The following ANKRD46 variants were observed in gnomAD, a reference collection of about 807,000 sequenced individuals.
ANKRD46 encodes the protein ankyrin repeat domain-containing protein 46.
ANKRD46 carries 13 observed loss-of-function variants against 19.8 expected under a neutral mutation model. The ratio of observed to expected loss-of-function variants is 0.66; its 90% CI spans 0.43 to 1.04. The LOEUF is 1.04. Among genes scored for constraint, ANKRD46 ranks in the 50% least tolerant of loss-of-function variants. ANKRD46 has a pLI of 0.00. For missense variants in ANKRD46, 185 were observed against 274.8 expected, an observed-to-expected ratio of 0.67 and a Z score of 2.31; for synonymous variants, 91 against 106.9, an observed-to-expected ratio of 0.85 and a Z score of 0.92.
chr8:100,554,588 T>G (rs1490105944), intron 1 of ANKRD46: 1 of 151,566 alleles, frequency 6.6e-6, no homozygotes, highest in Non-Finnish European at 1.5e-5. Flanking sequence ...CCTTGCATGG[T>G]GGTGCGTGCG....
In ANKRD46 at chr8:100,515,415, CA is replaced by C. The variant is rs1811614451; in HGVS notation, c.637-4777del. The stretch of plus-strand genomic sequence containing the variant: ...TTTTTTGAGAAGTGGCAAGATTTCT[CA>C]AAAGAAAATTGTTTATCAAGAGAAG... On this transcript the variant is annotated intron_variant, in intron 5 of 5. Transcript: ENST00000520552. Among the ~76,000 whole-genome samples, 3 of 152,100 alleles carry C rather than the reference CA, an allele frequency of 2.0e-5. No homozygotes were observed. In the South Asian group the frequency reaches 6.2e-4, roughly 32 times the overall value.
Position 100,543,545 on chromosome 8 carries a change from A to G in ANKRD46, c.-130-10234T>C, listed in dbSNP as rs976027261. ...ACTACAGTGTTAAACAAAGATAATT[A>G]TGATTTAAAAATTATTCTTTAAAAT... On this transcript the variant is annotated intron_variant, in intron 1 of 4. Transcript: ENST00000335659. The surrounding 1 kb of genome is among the most constrained non-coding windows in gnomAD (Gnocchi z 4.2). 2.0e-5 allele frequency among the ~76,000 whole-genome samples: 3 copies of G among 152,232 alleles called. No individual in the cohort carries two copies. The highest frequency in any genetic ancestry group is 2.9e-5 in the Non-Finnish European group (2 of 68,044).
rs1812016548 is a variant in ANKRD46, at chr8:100,534,081, G to T, written c.-130-770C>A. 6.6e-6 allele frequency among the ~76,000 whole-genome samples: 1 copy of T among 152,220 alleles called. No individual in the cohort carries two copies. The highest frequency in any genetic ancestry group is 2.1e-4 in the South Asian group (1 of 4,830). On this transcript the variant is annotated intron_variant, in intron 1 of 4. Transcript: ENST00000335659. This position sits in a 1 kb window ranked among gnomAD's most constrained non-coding sequence, Gnocchi z 4.2. ...TTCATGAAACAAACATTCACTGTGT[G>T]CCTGCAATGTGCCAGATACCATGCT...
chr8:100,551,704 C>T (rs192715864), intron 1 of ANKRD46: 2 of 615,266 alleles, frequency 3.3e-6, no homozygotes, highest in South Asian at 3.0e-5. Context: ...CTGGCCTTCA[C>T]CTTCACCATG....
intron 1 of ANKRD46, among the ~76,000 whole-genome samples, chr8:100,552,612 C>T (rs1157138041): frequency 6.6e-6 from 1 of 152,114 alleles, no homozygotes; most frequent in Non-Finnish European, 1.5e-5. Flanking sequence ...CATTCCCTAG[C>T]TATTGTGGTT....
In ANKRD46 at chr8:100,522,546, T is replaced by C. The variant is rs182854174; in HGVS notation, c.*9A>G. 4.7e-4 allele frequency: 766 copies of C among 1,613,734 alleles called. 2 individuals carry two copies. The highest frequency in any genetic ancestry group is 6.2e-4 in the Non-Finnish European group (730 of 1,179,772). On this transcript the variant is annotated 3_prime_UTR_variant, in exon 5 of 5. Transcript: ENST00000335659. ...AGGCAATTAATTGCCTCATCTTCCA[T>C]GAGCTCCTTTAATGCACCAGTTCAG...
rs1347464874 is a variant in ANKRD46, at chr8:100,524,368, C to T, written c.471-1597G>A. 6.6e-6 allele frequency among the ~76,000 whole-genome samples: 1 copy of T among 152,174 alleles called. No individual in the cohort carries two copies. The highest frequency in any genetic ancestry group is 1.5e-5 in the Non-Finnish European group (1 of 68,036). Reference sequence around the variant, plus strand: ...ACTATGAATAAACATGCAAAACTGACATTTTTTAACCTACAACTTTATTTT... The same window carrying T: ...ACTATGAATAAACATGCAAAACTGATATTTTTTAACCTACAACTTTATTTT... On this transcript the variant is annotated intron_variant, in intron 4 of 4. Transcript: ENST00000335659. This position sits in a 1 kb window ranked among gnomAD's most constrained non-coding sequence, Gnocchi z 4.3.
chr8:100,513,319 C>T (rs1175332979), intron 5 of ANKRD46, among the ~76,000 whole-genome samples: 1 of 152,190 alleles, frequency 6.6e-6, no homozygotes, highest in African/African-American at 2.4e-5. Flanking sequence ...TACTCCCTGA[C>T]TTTAGGATAC....
Position 100,521,142 on chromosome 8 carries a change from G to A in ANKRD46, c.*1413C>T. ...CAACAGCTATTAAAGAGAGGATAAA[G>A]CCACATGAAAGAGCAAGCCTCAATA... On this transcript the variant is annotated 3_prime_UTR_variant, in exon 5 of 5. Coordinates refer to ENST00000335659, the MANE Select transcript of ANKRD46 (RefSeq NM_001270377.2). The A allele has an allele frequency of 7.1e-6, 7 of 984,868 alleles. No homozygotes were observed. The highest frequency in any genetic ancestry group is 8.4e-6 in the Non-Finnish European group (7 of 829,854). 61.0% of individuals were successfully genotyped at this position (984,868 alleles called of 1,614,324 possible). A position where few individuals can be genotyped will look rare whatever the true frequency, so the allele number is the denominator to read the frequency against.
intron 3 of ANKRD46, among the ~76,000 whole-genome samples, chr8:100,528,862 C>T (rs1034786337): frequency 6.6e-6 from 1 of 152,104 alleles, no homozygotes; most frequent in Non-Finnish European, 1.5e-5. Context: ...AAAGGTCAAG[C>T]TCAGTTTTAC....
downstream of ANKRD46, among the ~76,000 whole-genome samples, chr8:100,517,082 C>T (rs1586775657): frequency 6.6e-6 from 1 of 152,182 alleles, no homozygotes; most frequent in East Asian, 1.9e-4. Flanking sequence ...ACAATAATAG[C>T]ATTTGTGAAG....
rs901342428 is a variant in ANKRD46 at position 100,544,755 on chromosome 8, A to G, written c.-130-11444T>C. Among the ~76,000 whole-genome samples the G allele has an allele frequency of 1.3e-5, 2 of 152,184 alleles. No individual in the cohort carries two copies. The highest frequency in any genetic ancestry group is 6.5e-5 in the Admixed American group (1 of 15,278). On this transcript the variant is annotated intron_variant, in intron 1 of 4. Transcript: ENST00000335659. The surrounding 1 kb of genome is among the most constrained non-coding windows in gnomAD (Gnocchi z 4.4). Reference sequence around the variant, plus strand: ...CAATATTTTTGTACAGAACTTTGAAAACTATAATGAAATATACAAATATAA... The same window carrying G: ...CAATATTTTTGTACAGAACTTTGAAGACTATAATGAAATATACAAATATAA...
downstream of ANKRD46, among the ~76,000 whole-genome samples, chr8:100,515,834 C>A (rs530416091): frequency 6.6e-6 from 1 of 152,152 alleles, no homozygotes; most frequent in African/African-American, 2.4e-5. Context: ...ACTTCTAATG[C>A]CCCATCTCTA....
At position 100,545,978 on chromosome 8, in the gene ANKRD46, G is replaced by A. The variant is rs1812265752; in HGVS notation, c.-130-12667C>T. Among the ~76,000 whole-genome samples the A allele has an allele frequency of 6.6e-6, 1 of 152,226 alleles. No homozygotes were observed. Among genetic ancestry groups the A allele is most frequent in the African/African-American group, 2.4e-5 (1 of 41,454 alleles). On this transcript the variant is annotated intron_variant, in intron 1 of 4. Coordinates refer to ENST00000335659, the MANE Select transcript of ANKRD46 (RefSeq NM_001270377.2). The surrounding 1 kb of genome is among the most constrained non-coding windows in gnomAD (Gnocchi z 4.7). ...GCAGAAGAAATTTCTAAGCAGCAAA[G>A]CATTAAAGATGTGGCCTTGATTTTT...
intron 2 of ANKRD46, among the ~76,000 whole-genome samples, chr8:100,530,592 C>T (rs1244538142): frequency 6.6e-6 from 1 of 152,110 alleles, no homozygotes; most frequent in Non-Finnish European, 1.5e-5. Flanking sequence ...ACCATGTTGG[C>T]CAGGCTGGTC....
At position 100,541,959 on chromosome 8, in the gene ANKRD46, T is replaced by C. The variant is rs141374916; in HGVS notation, c.-130-8648A>G. Among the ~76,000 whole-genome samples, 1,072 of 152,326 alleles carry C rather than the reference T, an allele frequency of 7.0e-3. 17 individuals are homozygous for C. The highest frequency in any genetic ancestry group is 0.024 in the African/African-American group (1,016 of 41,564). Reference sequence around the variant, plus strand: ...CAGGCCATACCATATGGCCTGGGTGTGCAGTAGGCTCTTGTATCTAGGTTT... The same window carrying C: ...CAGGCCATACCATATGGCCTGGGTGCGCAGTAGGCTCTTGTATCTAGGTTT... On this transcript the variant is annotated intron_variant, in intron 1 of 4. Transcript: ENST00000335659.
intron 1 of ANKRD46, among the ~76,000 whole-genome samples, chr8:100,556,290 G>A (rs764355149): frequency 2.0e-5 from 3 of 152,108 alleles, no homozygotes; most frequent in Non-Finnish European, 4.4e-5. Context: ...CAAAGTGTTG[G>A]GATTACAGGC....
intron 1 of ANKRD46, among the ~76,000 whole-genome samples, chr8:100,555,753 A>AAAAAAAAAT (rs1812486377): frequency 8.2e-6 from 1 of 121,914 alleles, no homozygotes; most frequent in Non-Finnish European, 1.7e-5. Context: ...AAAAAAAAAA[A>AAAAAAAAAT]AAAAAAAAAG....
At position 100,521,571 on chromosome 8, in the gene ANKRD46, G is replaced by A. The variant is rs1447529487; in HGVS notation, c.*984C>T. On this transcript the variant is annotated 3_prime_UTR_variant, in exon 5 of 5. Coordinates refer to ENST00000335659, the MANE Select transcript of ANKRD46 (RefSeq NM_001270377.2). Reference sequence around the variant, plus strand: ...ACTCAGAAATGCTCCATCCATTCTTGCCATCAGAGAATTACAGATATGGAT... The same window carrying A: ...ACTCAGAAATGCTCCATCCATTCTTACCATCAGAGAATTACAGATATGGAT... The A allele has an allele frequency of 1.0e-6, 1 of 985,284 alleles. No individual in the cohort carries two copies. Among genetic ancestry groups the A allele is most frequent in the Admixed American group, 6.1e-5 (1 of 16,262 alleles). The allele number at this position is 985,284 out of a possible 1,614,324, so 61.0% of individuals were successfully genotyped here.
Sources: allele counts gnomAD v4.1 joint callset (sites outside exome capture counted in the v4.1 genomes callset), GRCh38; gene constraint gnomAD v4.1.1; non-coding constraint Gnocchi (gnomAD v3.1); transcripts MANE v1.5; gene names NCBI Gene and HGNC (gene_info 2026-07-23, HGNC 2026-07-21).